The following PICK1 variants were observed in gnomAD, a reference collection of about 807,000 sequenced individuals.
PICK1 encodes the protein PRKCA-binding protein.
PICK1 carries 23 observed loss-of-function variants against 48.9 expected under a neutral mutation model. The observed-to-expected ratio is 0.47, with a 90% CI of 0.34 to 0.67. The LOEUF is 0.67. Among genes scored for constraint, PICK1 ranks in the 30% least tolerant of loss-of-function variants. The pLI is 0.01. For synonymous variants in PICK1, 217 were observed against 228.2 expected (o/e 0.95, Z 0.44); for missense variants, 423 against 557.1 (o/e 0.76, Z 2.42).
chr22:38,059,406 G>A, intron 3 of PICK1, 61 bp downstream of exon 3: 1 of 1,166,816 alleles, frequency 8.6e-7, no homozygotes, highest in Non-Finnish European at 1.3e-6. Flanking sequence ...ACAAAGGCAG[G>A]TTCATTTCTC....
chr22:38,067,465 C>T (rs1047045123), intron 4 of PICK1: 5 of 460,270 alleles, frequency 1.1e-5, no homozygotes, highest in Non-Finnish European at 8.3e-6. Flanking sequence ...CGCGCCACTA[C>T]GCCCAGCTAA....
In PICK1 at chr22:38,072,446, G is replaced by T. The variant is rs1053170164; in HGVS notation, c.557-31G>T. On this transcript the variant is annotated intron_variant, in intron 8 of 12. Coordinates refer to ENST00000356976, the MANE Select transcript of PICK1 (RefSeq NM_012407.4). ...TGGCTTCTCTTAGGGGGCCAAGTAG[G>T]GGCAGCCTTCAAGGCAAACTTGTCC... The T allele has an allele frequency of 1.9e-6, 3 of 1,606,750 alleles. No homozygotes were observed. The Admixed American group carries it at 5.0e-5, about 27-fold the overall frequency.
Position 38,072,520 on chromosome 22 carries a change from G to A in PICK1, c.600G>A (p.Gln200=). The A allele has an allele frequency of 6.2e-7, 1 of 1,613,618 alleles. No homozygotes were observed. Among genetic ancestry groups the A allele is most frequent in the Non-Finnish European group, 8.5e-7 (1 of 1,180,034 alleles). Residue 200 remains glutamine (Q), a synonymous_variant, in exon 9 of 13, where the codon CAG becomes CAA. Transcript: ENST00000356976. ...VFSVIGVREP[Q]PAASEAFVKF... ...CCGTGATCGGGGTGCGGGAGCCCCAGCCAGCTGCGAGCGAGGCTTTTGTGA... is the reference window on the plus strand; with the variant it reads ...CCGTGATCGGGGTGCGGGAGCCCCAACCAGCTGCGAGCGAGGCTTTTGTGA...
At position 38,074,014 on chromosome 22, in the gene PICK1, C is replaced by T. The variant is rs1290002257; in HGVS notation, c.834+191C>T. The T allele has an allele frequency of 9.1e-6, 6 of 658,340 alleles. No homozygotes were observed. Among genetic ancestry groups the T allele is most frequent in the Non-Finnish European group, 1.6e-5 (6 of 376,494 alleles). 40.8% of individuals were successfully genotyped at this position (658,340 alleles called of 1,614,324 possible). On this transcript the variant is annotated intron_variant, in intron 11 of 12. Transcript: ENST00000356976. This position sits in a 1 kb window ranked among gnomAD's most constrained non-coding sequence, Gnocchi z 4.5. ...CTGGGCACCCGGCCGGGAACCACTCCCTCAGTCTGGGGGACTCTTGGAGGG... is the reference window on the plus strand; with the variant it reads ...CTGGGCACCCGGCCGGGAACCACTCTCTCAGTCTGGGGGACTCTTGGAGGG...
chr22:38,070,347 G>A (rs1818734264), intron 6 of PICK1, among the ~76,000 whole-genome samples: 1 of 152,254 alleles, frequency 6.6e-6, no homozygotes, highest in South Asian at 2.1e-4. Context: ...CTGACATGGT[G>A]GCTGGCACAC....
chr22:38,057,919 C>T (rs2085309888), intron 2 of PICK1, 69 bp downstream of exon 2: 3 of 1,217,132 alleles, frequency 2.5e-6, no homozygotes, highest in African/African-American at 1.5e-5. Flanking sequence ...CTGGACTTCC[C>T]AGTCCCACAG....
Position 38,074,069 on chromosome 22 carries a change from G to C in PICK1, c.835-238G>C, listed in dbSNP as rs2085768902. On this transcript the variant is annotated intron_variant, in intron 11 of 12. Transcript: ENST00000356976. The surrounding 1 kb of genome is among the most constrained non-coding windows in gnomAD (Gnocchi z 4.5). ...CGGATTTTCTTCACTCCTATGAGGCGCTTTTAAGTGTTTGATTTTTCTGCT... is the reference window on the plus strand; with the variant it reads ...CGGATTTTCTTCACTCCTATGAGGCCCTTTTAAGTGTTTGATTTTTCTGCT... 3 of 627,440 alleles carry C rather than the reference G, an allele frequency of 4.8e-6. No individual in the cohort carries two copies. The highest frequency in any genetic ancestry group is 1.8e-5 in the African/African-American group (1 of 54,514). The allele number at this position is 627,440 out of a possible 1,614,324, so 38.9% of individuals were successfully genotyped here.
rs1001504439 is a variant in PICK1, at chr22:38,066,686, C to T, written c.283-1018C>T. Among the ~76,000 whole-genome samples, 1 of 152,248 alleles carries T rather than the reference C, an allele frequency of 6.6e-6. No homozygotes were observed. The highest frequency in any genetic ancestry group is 6.5e-5 in the Admixed American group (1 of 15,284). ...TGTTTCATTCTGCGGGAGCAGTTCA[C>T]ACCCCACCTCTGACTCTGATTGCAT... On this transcript the variant is annotated intron_variant, in intron 4 of 12. Coordinates refer to ENST00000356976, the MANE Select transcript of PICK1 (RefSeq NM_012407.4). The surrounding 1 kb of genome is among the most constrained non-coding windows in gnomAD (Gnocchi z 4.1).
Position 38,057,601 on chromosome 22 carries a change from A to G in PICK1, c.-58+14A>G, listed in dbSNP as rs1310149451. The G allele has an allele frequency of 8.2e-6, 5 of 610,330 alleles. No homozygotes were observed. Among genetic ancestry groups the G allele is most frequent in the Non-Finnish European group, 1.5e-5 (5 of 340,102 alleles). 37.8% of individuals were successfully genotyped at this position (610,330 alleles called of 1,614,324 possible). A position where few individuals can be genotyped will look rare whatever the true frequency, so the allele number is the denominator to read the frequency against. ...CCTTTGTACCTAGTAAGAATCACCT[A>G]CCCAGCCCCCCACCCGGAGACTGTC... is the stretch of plus-strand genomic sequence containing the variant. On this transcript the variant is annotated intron_variant, in intron 1 of 12. Transcript: ENST00000356976.
chr22:38,069,526 G>A (rs1485408800), intron 6 of PICK1, among the ~76,000 whole-genome samples: 2 of 152,156 alleles, frequency 1.3e-5, no homozygotes, highest in Admixed American at 1.3e-4. Flanking sequence ...GAGGGGGGAG[G>A]CGTGTACATG....
rs2085566952 is a variant in PICK1, at chr22:38,067,753, G to A, written c.332G>A (p.Gly111Asp). The A allele has an allele frequency of 6.2e-7, 1 of 1,613,902 alleles. No homozygotes were observed. Among genetic ancestry groups the A allele is most frequent in the Non-Finnish European group, 8.5e-7 (1 of 1,179,810 alleles). ...AAGCTGCAGGCGGACCCCAAGCAGG[G>A]CATGTCCCTGGACATTGGTAAGCTG... is the stretch of plus-strand genomic sequence containing the variant. Reference protein sequence around the residue: ...YNKLQADPKQGMSLDIVLKKV... With the variant: ...YNKLQADPKQDMSLDIVLKKV... Residue 111 changes from glycine (G) to aspartate (D), a missense_variant, in exon 5 of 13, where the codon GGC becomes GAC. Around this residue, in one of 2 missense-constraint regions of PICK1, gnomAD observed 279 missense variants for 417.8 expected, o/e 0.67. Transcript: ENST00000356976.
Position 38,069,128 on chromosome 22 carries a change from T to C in PICK1, c.439+6T>C, listed in dbSNP as rs1399993451. On this transcript the variant is annotated splice_donor_region_variant and intron_variant, in intron 6 of 12. Coordinates refer to ENST00000356976, the MANE Select transcript of PICK1 (RefSeq NM_012407.4). Reference sequence around the variant, plus strand: ...CCGGGCCATCCTGTGCAATGGTGAGTCCCTTCCCACCCAGCTGGGGCCCCG... The same window carrying C: ...CCGGGCCATCCTGTGCAATGGTGAGCCCCTTCCCACCCAGCTGGGGCCCCG... 3 of 1,600,340 alleles carry C rather than the reference T, an allele frequency of 1.9e-6. No homozygotes were observed. The African/African-American group carries it at 4.0e-5, about 22-fold the overall frequency.
At chr22:38,070,374 A>G (rs1393441628) in intron 6 of PICK1, among the ~76,000 whole-genome samples, 1 of 152,180 alleles carries the variant, frequency 6.6e-6, no homozygotes, top group Non-Finnish European at 1.5e-5. Flanking sequence ...TGCTCAAGAA[A>G]CACTAAGCCA....
At chr22:38,060,083 C>T (rs1434074568) in intron 3 of PICK1, among the ~76,000 whole-genome samples, 4 of 152,134 alleles carry the variant, frequency 2.6e-5, no homozygotes, top group Non-Finnish European at 5.9e-5. Context: ...TGGTGGTGCA[C>T]GCCTGTACTT....
intron 3 of PICK1, among the ~76,000 whole-genome samples, chr22:38,064,588 C>T (rs1344334215): frequency 6.6e-6 from 1 of 151,872 alleles, no homozygotes; most frequent in Non-Finnish European, 1.5e-5. Context: ...ATGGAGAAAC[C>T]CTGTCTCTAC....
chr22:38,069,397 C>T (rs983925051), intron 6 of PICK1, among the ~76,000 whole-genome samples: 4 of 152,178 alleles, frequency 2.6e-5, no homozygotes, highest in Non-Finnish European at 5.9e-5. Flanking sequence ...TGCCCCTGCC[C>T]TCAGCCCCTT....
chr22:38,068,951 C>T (rs2085602519), intron 5 of PICK1, 82 bp from the exon 6 acceptor site: 2 of 1,162,340 alleles, frequency 1.7e-6, no homozygotes, highest in South Asian at 1.3e-5. Context: ...GTGGGGTGCT[C>T]CCTGTGCATG....
At chr22:38,067,543 A>C in intron 4 of PICK1, 161 bp from the exon 5 acceptor site, 2 of 663,780 alleles carry the variant, frequency 3.0e-6, no homozygotes, top group South Asian at 3.0e-5. Context: ...TCCTGACCTC[A>C]AGTGATCTGC....
intron 3 of PICK1, among the ~76,000 whole-genome samples, chr22:38,061,557 C>T (rs927502271): frequency 9.2e-5 from 14 of 152,016 alleles, no homozygotes; most frequent in African/African-American, 3.1e-4. Context: ...CTCACTCTGT[C>T]GCCCAGGCTG....
Sources: gnomAD v4.1 joint callset for allele counts (sites outside exome capture counted in the v4.1 genomes callset) on GRCh38, gnomAD v4.1.1 for gene constraint, gnomAD v4.1.1 regional missense constraint, Gnocchi (gnomAD v3.1) non-coding constraint, MANE v1.5 for transcripts, NCBI Gene and HGNC (gene_info 2026-07-23, HGNC 2026-07-21) for gene names.